ERVV-2: variants seen among roughly 807,000 people sequenced by gnomAD.
ERVV-2 encodes endogenous retrovirus group V member 2 Env polyprotein.
For synonymous variants in ERVV-2, 105 were observed against 184.6 expected (o/e 0.57, Z 3.49); for missense variants, 291 against 495.1 (o/e 0.59, Z 3.91).
In ERVV-2 at chr19:53,051,181, C is replaced by T; in HGVS notation, c.*322C>T. ...TTTTTTTTTGAGACAAGTTCTTGCT[C>T]TGTCTCCCAGGCTGGAGTACAATGG... On this transcript the variant is annotated 3_prime_UTR_variant, in exon 2 of 2. Coordinates refer to ENST00000601417, the MANE Select transcript of ERVV-2 (RefSeq NM_001191055.2). 5.4e-6 allele frequency: 1 copy of T among 186,074 alleles called. No individual in the cohort carries two copies. Among genetic ancestry groups the T allele is most frequent in the Non-Finnish European group, 9.4e-6 (1 of 106,436 alleles). The allele number at this position is 186,074 out of a possible 1,614,324, so 11.5% of individuals were successfully genotyped here.
chr19:53,050,885 ATGAC>A lies in ERVV-2; in HGVS notation c.*28_*31del, dbSNP rs2083910785. 6.7e-7 allele frequency: 1 copy of A among 1,486,834 alleles called. No homozygotes were observed. The highest frequency in any genetic ancestry group is 1.3e-5 in the South Asian group (1 of 74,592). The allele number at this position is 1,486,834 out of a possible 1,614,324, so 92.1% of individuals were successfully genotyped here. A position where few individuals can be genotyped will look rare whatever the true frequency, so the allele number is the denominator to read the frequency against. On this transcript the variant is annotated 3_prime_UTR_variant, in exon 2 of 2. Coordinates refer to ENST00000601417, the MANE Select transcript of ERVV-2 (RefSeq NM_001191055.2). Reference sequence around the variant, plus strand: ...GACAGAGCAAGAGAGGGAGACCCTGATGACTTCTTCGCCCCATGTCAGCAGGAAG... The same window carrying A: ...GACAGAGCAAGAGAGGGAGACCCTGATTCTTCGCCCCATGTCAGCAGGAAG...
intron 1 of ERVV-2, among the ~76,000 whole-genome samples, chr19:53,045,612 A>G (rs1460607195): frequency 1.3e-5 from 2 of 152,032 alleles, no homozygotes; most frequent in Non-Finnish European, 2.9e-5. Context: ...ATATCTTTTA[A>G]TTAAAACTAC....
At chr19:53,048,314 G>A (rs933548212) in intron 1 of ERVV-2, among the ~76,000 whole-genome samples, 1 of 152,086 alleles carries the variant, frequency 6.6e-6, no homozygotes, top group African/African-American at 2.4e-5. Flanking sequence ...GGCGGAGGTT[G>A]CAGTGAGCTG....
intron 1 of ERVV-2, among the ~76,000 whole-genome samples, chr19:53,048,290 C>T (rs1468200055): frequency 6.6e-6 from 1 of 152,146 alleles, no homozygotes; most frequent in Non-Finnish European, 1.5e-5. Flanking sequence ...AGGAGAATCA[C>T]TTGAACCCCA....
chr19:53,049,016 A>G lies in ERVV-2; in HGVS notation c.-236A>G. On this transcript the variant is annotated 5_prime_UTR_variant, in exon 2 of 2. Coordinates refer to ENST00000601417, the MANE Select transcript of ERVV-2 (RefSeq NM_001191055.2). ...AACTTAAAATTCCACTTCAAGTGAA[A>G]AGATAAGTAAAGCCTTCTCTCTGTT... 4.7e-6 allele frequency: 3 copies of G among 635,014 alleles called. No individual in the cohort carries two copies. The highest frequency in any genetic ancestry group is 2.0e-5 in the South Asian group (1 of 48,952). 39.3% of individuals were successfully genotyped at this position (635,014 alleles called of 1,614,324 possible).
chr19:53,045,230 G>A (rs1340833059), intron 1 of ERVV-2, among the ~76,000 whole-genome samples: 3 of 152,144 alleles, frequency 2.0e-5, no homozygotes, highest in African/African-American at 4.8e-5. Context: ...GACACATGGT[G>A]ACCCTTCTTG....
Position 53,046,850 on chromosome 19 carries a change from G to A in ERVV-2, c.-386+1892G>A, listed in dbSNP as rs530212675. 4.6e-5 allele frequency among the ~76,000 whole-genome samples: 7 copies of A among 152,260 alleles called. No homozygotes were observed. The East Asian group carries it at 9.7e-4, about 21-fold the overall frequency. The stretch of plus-strand genomic sequence containing the variant: ...GCGTGTCACCCGAGGTTGTGAGTTC[G>A]AGACCAGCCTGATCAACATGGAGAA... On this transcript the variant is annotated intron_variant, in intron 1 of 1. Coordinates refer to ENST00000601417, the MANE Select transcript of ERVV-2 (RefSeq NM_001191055.2).
rs2083913809 is a variant in ERVV-2, at chr19:53,051,390, C to T, written c.*531C>T. Among the ~76,000 whole-genome samples the T allele has an allele frequency of 6.6e-6, 1 of 151,998 alleles. No homozygotes were observed. The highest frequency in any genetic ancestry group is 2.1e-4 in the South Asian group (1 of 4,824). On this transcript the variant is annotated 3_prime_UTR_variant, in exon 2 of 2. Transcript: ENST00000601417. ...CAAACTCCTGACTTCAGGTGATTCGCTCGCCTCGGCCTCCTAAAGTGCTGG... is the reference window on the plus strand; with the variant it reads ...CAAACTCCTGACTTCAGGTGATTCGTTCGCCTCGGCCTCCTAAAGTGCTGG...
At position 53,050,060 on chromosome 19, in the gene ERVV-2, G is replaced by A; in HGVS notation, c.809G>A (p.Ser270Asn). 2.0e-6 allele frequency: 3 copies of A among 1,469,340 alleles called. No homozygotes were observed. In the East Asian group the frequency reaches 7.4e-5, roughly 36 times the overall value. The allele number at this position is 1,469,340 out of a possible 1,614,324, so 91.0% of individuals were successfully genotyped here. The change falls in exon 2 of 2, where the codon AGT (serine) becomes AAT (asparagine). Residue 270 changes from serine to asparagine, a missense_variant. Physicochemically the swap from Ser to Asn is conservative, Grantham distance 46. Transcript: ENST00000601417. ...PQKNKLPFDG[S>N]PKITYSTPPV... is the part of the protein sequence containing the mutation. ...AAAAATAAACTGCCCTTTGATGGAA[G>A]TCCTAAGATAACCTATTCAACCCCC...
chr19:53,045,062 G>A (rs1294573221), intron 1 of ERVV-2, 104 bp downstream of exon 1: 3 of 152,304 alleles, frequency 2.0e-5, no homozygotes, highest in African/African-American at 7.2e-5. Context: ...GCTTTAAGGG[G>A]AGGGGTTTTT....
Position 53,044,745 on chromosome 19 carries a change from CCTT to C in ERVV-2, c.-595_-593del, listed in dbSNP as rs1229189386. On this transcript the variant is annotated 5_prime_UTR_variant, in exon 1 of 2. Coordinates refer to ENST00000601417, the MANE Select transcript of ERVV-2 (RefSeq NM_001191055.2). Reference sequence around the variant, plus strand: ...AGGCCAGCATAAGTAAGGACAGACTCCTTCTTTTCAGGAGCCCACTCGGTTCTG... The same window carrying C: ...AGGCCAGCATAAGTAAGGACAGACTCCTTTTCAGGAGCCCACTCGGTTCTG... The C allele has an allele frequency of 5.3e-5, 8 of 152,180 alleles. No homozygotes were observed. The highest frequency in any genetic ancestry group is 2.1e-4 in the South Asian group (1 of 4,806). 9.4% of individuals were successfully genotyped at this position (152,180 alleles called of 1,614,324 possible).
At position 53,050,327 on chromosome 19, in the gene ERVV-2, T is replaced by A; in HGVS notation, c.1076T>A (p.Ile359Lys). Residue 359 changes from isoleucine to lysine, a missense_variant, in exon 2 of 2, where the codon ATA (isoleucine) becomes AAA (lysine). Coordinates refer to ENST00000601417, the MANE Select transcript of ERVV-2 (RefSeq NM_001191055.2). Reference protein sequence around the residue: ...LRNLSRQIDNIAKSTRDSISK... With the variant: ...LRNLSRQIDNKAKSTRDSISK... ...AATCTCTCCAGACAAATAGACAACA[T>A]AGCTAAGAGTACCAGAGATAGCATC... 1.4e-6 allele frequency: 1 copy of A among 705,442 alleles called. No individual in the cohort carries two copies. The highest frequency in any genetic ancestry group is 2.6e-6 in the Non-Finnish European group (1 of 389,380). The allele number at this position is 705,442 out of a possible 1,614,324, so 43.7% of individuals were successfully genotyped here.
intron 1 of ERVV-2, among the ~76,000 whole-genome samples, chr19:53,046,300 T>C (rs1171990882): frequency 6.6e-6 from 1 of 152,020 alleles, no homozygotes; most frequent in Non-Finnish European, 1.5e-5. Context: ...TCACTTATTA[T>C]TGGGTCCTTC....
intron 1 of ERVV-2, among the ~76,000 whole-genome samples, chr19:53,048,574 C>T (rs926644218): frequency 6.9e-6 from 1 of 145,214 alleles, no homozygotes; most frequent in Admixed American, 7.2e-5. Context: ...ACTCGGGAGG[C>T]TTAGGCAGGT....
intron 1 of ERVV-2, among the ~76,000 whole-genome samples, chr19:53,045,385 C>T (rs1314335748): frequency 1.3e-5 from 2 of 151,664 alleles, no homozygotes; most frequent in Non-Finnish European, 2.9e-5. Flanking sequence ...TCACTGCAAC[C>T]TCCACCTCCC....
At position 53,051,018 on chromosome 19, in the gene ERVV-2, G is replaced by A. The variant is rs2083911622; in HGVS notation, c.*159G>A. Reference sequence around the variant, plus strand: ...TAGGCAGGTAGGCAGGCATGAGCAGGCAAGAGAGCCCTTGGGAAAGGAATC... The same window carrying A: ...TAGGCAGGTAGGCAGGCATGAGCAGACAAGAGAGCCCTTGGGAAAGGAATC... On this transcript the variant is annotated 3_prime_UTR_variant, in exon 2 of 2. Coordinates refer to ENST00000601417, the MANE Select transcript of ERVV-2 (RefSeq NM_001191055.2). The A allele has an allele frequency of 1.6e-6, 1 of 634,442 alleles. No homozygotes were observed. The highest frequency in any genetic ancestry group is 2.6e-6 in the Non-Finnish European group (1 of 387,630). 39.3% of individuals were successfully genotyped at this position (634,442 alleles called of 1,614,324 possible).
In ERVV-2 at chr19:53,050,781, C is replaced by CT. The variant is rs1414042167; in HGVS notation, c.1530_1531insT (p.Ser511Ter). On this transcript the variant is annotated frameshift_variant, in exon 2 of 2. Coordinates refer to ENST00000601417, the MANE Select transcript of ERVV-2 (RefSeq NM_001191055.2). LOFTEE classifies it high-confidence loss of function. ...ATCAGCTATCTGTCATTGGAGGCCCCAGCACCTATAAGCACATCTCCCCCT... is the reference window on the plus strand; with the variant it reads ...ATCAGCTATCTGTCATTGGAGGCCCCTAGCACCTATAAGCACATCTCCCCCT... The CT allele has an allele frequency of 3.9e-6, 6 of 1,536,120 alleles. No individual in the cohort carries two copies. The South Asian group carries it at 7.1e-5, about 18-fold the overall frequency.
chr19:53,045,859 A>G (rs992179653), intron 1 of ERVV-2, among the ~76,000 whole-genome samples: 1 of 152,150 alleles, frequency 6.6e-6, no homozygotes, highest in Non-Finnish European at 1.5e-5. Flanking sequence ...TTGAGGGCCT[A>G]TGCTGATGTT....
chr19:53,051,308 G>T lies in ERVV-2; in HGVS notation c.*449G>T, dbSNP rs569100611. Among the ~76,000 whole-genome samples the T allele has an allele frequency of 1.3e-5, 2 of 151,874 alleles. No homozygotes were observed. The highest frequency in any genetic ancestry group is 1.3e-4 in the Admixed American group (2 of 15,224). Reference sequence around the variant, plus strand: ...ACTACAGGCATGTGCCGCCATGCCCGGCTAATTTTGTATTTTTAGTAGAGA... The same window carrying T: ...ACTACAGGCATGTGCCGCCATGCCCTGCTAATTTTGTATTTTTAGTAGAGA... On this transcript the variant is annotated 3_prime_UTR_variant, in exon 2 of 2. Transcript: ENST00000601417.
Sources: allele counts gnomAD v4.1 joint callset (sites outside exome capture counted in the v4.1 genomes callset), GRCh38; gene constraint gnomAD v4.1.1; transcripts MANE v1.5; gene names NCBI Gene and HGNC (gene_info 2026-07-23, HGNC 2026-07-21).